The following CCDC141 variants were observed in gnomAD, a reference collection of about 807,000 sequenced individuals.
CCDC141 encodes the protein coiled-coil domain containing 141.
Under a neutral mutation model 181.0 loss-of-function variants are expected in CCDC141, and 168 were observed. The ratio of observed to expected loss-of-function variants is 0.93; its 90% CI spans 0.82 to 1.05. The LOEUF (loss-of-function observed/expected upper bound fraction) is 1.05, where lower values mean the gene tolerates loss of function less well. Ranked by LOEUF, CCDC141 falls within the 50% of genes least tolerant of loss-of-function variation. The pLI is 0.00. For synonymous variants in CCDC141, 666 were observed against 642.3 expected, an observed-to-expected ratio of 1.04 and a Z score of -0.56; for missense variants, 1,902 against 1,788.5, an observed-to-expected ratio of 1.06 and a Z score of -1.14.
the CCDC141 span, among the ~76,000 whole-genome samples, chr2:178,824,183 A>C: frequency 7.2e-5 from 11 of 152,170 alleles, 1 homozygote; most frequent in African/African-American, 2.7e-4. Flanking sequence ...ATTTTGATTA[A>C]GTTAACCAAC....
chr2:178,898,103 G>A (rs946102213), intron 8 of CCDC141, among the ~76,000 whole-genome samples: 2 of 152,160 alleles, frequency 1.3e-5, no homozygotes, highest in Admixed American at 6.5e-5. Context: ...TCAATGAGGT[G>A]GTGTTGGGAG....
At chr2:178,963,622 G>A (rs1295735577) in intron 4 of CCDC141, among the ~76,000 whole-genome samples, 1 of 151,938 alleles carries the variant, frequency 6.6e-6, no homozygotes, top group Non-Finnish European at 1.5e-5. Flanking sequence ...CAATGATGTA[G>A]GCTGAGGTAG....
intron 6 of CCDC141, among the ~76,000 whole-genome samples, chr2:178,931,904 G>A (rs990577355): frequency 5.3e-5 from 8 of 152,088 alleles, no homozygotes; most frequent in East Asian, 1.9e-4. Flanking sequence ...GGTGACTCAC[G>A]CGTGTAATCC....
intron 6 of CCDC141, among the ~76,000 whole-genome samples, chr2:178,939,565 G>A (rs1274860651): frequency 6.6e-6 from 1 of 152,108 alleles, no homozygotes; most frequent in East Asian, 1.9e-4. Context: ...GGATCCCATG[G>A]AAATCTAATC....
At chr2:178,962,866 C>G (rs959514105) in intron 4 of CCDC141, among the ~76,000 whole-genome samples, 6 of 152,142 alleles carry the variant, frequency 3.9e-5, no homozygotes, top group Admixed American at 2.0e-4. Flanking sequence ...TATACTCTCT[C>G]CTGACCCTGA....
intron 6 of CCDC141, among the ~76,000 whole-genome samples, chr2:178,932,611 C>T (rs774663107): frequency 1.3e-5 from 2 of 152,120 alleles, no homozygotes; most frequent in Non-Finnish European, 2.9e-5. Context: ...TATACATACA[C>T]ACATATAGTG....
chr2:178,971,768 C>T (rs901987854), intron 4 of CCDC141, among the ~76,000 whole-genome samples: 3 of 152,156 alleles, frequency 2.0e-5, no homozygotes, highest in Non-Finnish European at 2.9e-5. Flanking sequence ...AGTTCATGTC[C>T]TTTGCAGGGA....
rs938094982 is a variant in CCDC141 at position 178,829,833 on chromosome 2, G to A, written c.*4340C>T. ...ACTTAAAATGCTGTGCATACAACAGGAGTTTCAAAAGCTTCAGATGGTGAT... is the reference window on the plus strand; with the variant it reads ...ACTTAAAATGCTGTGCATACAACAGAAGTTTCAAAAGCTTCAGATGGTGAT... On this transcript the variant is annotated 3_prime_UTR_variant, in exon 24 of 24. Transcript: ENST00000443758. 1.3e-5 allele frequency: 2 copies of A among 152,204 alleles called. No individual in the cohort carries two copies. Among genetic ancestry groups the A allele is most frequent in the Non-Finnish European group, 1.5e-5 (1 of 68,026 alleles). The allele number at this position is 152,204 out of a possible 1,614,324, so 9.4% of individuals were successfully genotyped here.
chr2:179,043,519 C>G (rs1433126218), intron 2 of CCDC141, among the ~76,000 whole-genome samples: 4 of 151,956 alleles, frequency 2.6e-5, no homozygotes, highest in East Asian at 3.9e-4. Context: ...GCTTCATTCC[C>G]CAGATGCAAA....
chr2:178,983,256 T>A (rs2154381369), intron 2 of CCDC141, among the ~76,000 whole-genome samples: 1 of 152,210 alleles, frequency 6.6e-6, no homozygotes, highest in Middle Eastern at 3.4e-3. Flanking sequence ...CTGAGGGTCC[T>A]GTCTGTTAGA....
chr2:178,981,917 A>AAGAT (rs1259881664), intron 2 of CCDC141, among the ~76,000 whole-genome samples: 1 of 151,598 alleles, frequency 6.6e-6, no homozygotes, highest in Non-Finnish European at 1.5e-5. Flanking sequence ...GAAAGAAAGA[A>AAGAT]AGAGAAAAGA....
At chr2:178,904,063 A>G (rs1216602353) in intron 8 of CCDC141, among the ~76,000 whole-genome samples, 1 of 152,144 alleles carries the variant, frequency 6.6e-6, no homozygotes, top group African/African-American at 2.4e-5. Context: ...AAAGCTGGAA[A>G]AGAGGAGGAG....
rs188708971 is a variant in CCDC141 at position 178,894,845 on chromosome 2, A to C, written c.1266-6177T>G. On this transcript the variant is annotated intron_variant, in intron 8 of 23. Coordinates refer to ENST00000443758, the MANE Select transcript of CCDC141 (RefSeq NM_173648.4). Reference sequence around the variant, plus strand: ...GGTAATAGCAGAAAAGTAATATTTAAAAAGATACTTGCTGAAATTTTCTCA... The same window carrying C: ...GGTAATAGCAGAAAAGTAATATTTACAAAGATACTTGCTGAAATTTTCTCA... 1.3e-3 allele frequency among the ~76,000 whole-genome samples: 197 copies of C among 152,308 alleles called. 2 individuals are homozygous for C. The highest frequency in any genetic ancestry group is 4.5e-3 in the African/African-American group (186 of 41,582).
At chr2:179,024,142 A>G (rs1013655726) in intron 2 of CCDC141, among the ~76,000 whole-genome samples, 1 of 152,322 alleles carries the variant, frequency 6.6e-6, no homozygotes, top group African/African-American at 2.4e-5. Flanking sequence ...AATGACACAA[A>G]TCAGAAAAAC....
At chr2:178,871,340 G>T in intron 14 of CCDC141, 87 bp downstream of exon 14, 1 of 1,386,952 alleles carries the variant, frequency 7.2e-7, no homozygotes, top group Non-Finnish European at 9.9e-7. Flanking sequence ...AAATTCACCA[G>T]CCTGTTACAA....
chr2:178,945,590 GTTAT>G (rs1558998363), intron 5 of CCDC141, among the ~76,000 whole-genome samples: 1 of 152,082 alleles, frequency 6.6e-6, no homozygotes, highest in South Asian at 2.1e-4. Context: ...CCATGCTTGA[GTTAT>G]TTAAGGTCTT....
At chr2:178,943,227 A>C in intron 6 of CCDC141, among the ~76,000 whole-genome samples, 1 of 152,344 alleles carries the variant, frequency 6.6e-6, no homozygotes, top group South Asian at 2.1e-4. Flanking sequence ...ATTGCCATAT[A>C]ATTCAATGAA....
At chr2:178,992,936 G>A (rs1211998719) in intron 2 of CCDC141, among the ~76,000 whole-genome samples, 1 of 152,140 alleles carries the variant, frequency 6.6e-6, no homozygotes, top group African/African-American at 2.4e-5. Flanking sequence ...GAGGAAGGAT[G>A]TGTTTGCATC....
chr2:178,977,531 T>C (rs985494581), intron 3 of CCDC141, among the ~76,000 whole-genome samples: 5 of 152,194 alleles, frequency 3.3e-5, no homozygotes, highest in African/African-American at 1.2e-4. Flanking sequence ...GGTGTTCAAA[T>C]TGTGAAAAAC....
Sources: allele counts gnomAD v4.1 joint callset (sites outside exome capture counted in the v4.1 genomes callset), GRCh38; gene constraint gnomAD v4.1.1; transcripts MANE v1.5; gene names NCBI Gene and HGNC (gene_info 2026-07-23, HGNC 2026-07-21).